FBLN1: variants seen among roughly 807,000 people sequenced by gnomAD.
FBLN1 encodes fibulin-1.
Under a neutral mutation model 89.7 loss-of-function variants are expected in FBLN1, and 34 were observed. The ratio of observed to expected loss-of-function variants is 0.38; its 90% confidence interval spans 0.29 to 0.50. FBLN1 has a LOEUF of 0.50. Ranked by LOEUF, FBLN1 falls within the 20% of genes least tolerant of loss-of-function variation. FBLN1 has a pLI of 0.92. For synonymous variants in FBLN1, 393 were observed against 391.3 expected (o/e 1.00, Z -0.05); for missense variants, 777 against 988.1 (o/e 0.79, Z 2.86).
chr22:45,577,155 C>G lies in FBLN1; in HGVS notation c.1972+47C>G. 1 of 1,607,606 alleles carries G rather than the reference C, an allele frequency of 6.2e-7. No individual in the cohort carries two copies. Among genetic ancestry groups the G allele is most frequent in the Non-Finnish European group, 8.5e-7 (1 of 1,176,204 alleles). On this transcript the variant is annotated intron_variant, in intron 16 of 16. Coordinates refer to ENST00000327858, the MANE Select transcript of FBLN1 (RefSeq NM_006486.3). This position sits in a 1 kb window ranked among gnomAD's most constrained non-coding sequence, Gnocchi z 6.6. ...CTCTATCCAGGCACCCCTCCCCCTC[C>G]ACCCCGAAACCCTCTCTGGCCCAGC... is the stretch of plus-strand genomic sequence containing the variant.
rs567053479 is a variant in FBLN1, at chr22:45,509,938, G to A, written c.79+6874G>A. On this transcript the variant is annotated intron_variant, in intron 1 of 16. Coordinates refer to ENST00000327858, the MANE Select transcript of FBLN1 (RefSeq NM_006486.3). ...TGTGGTGAGTCCGGGAGGCACACAG[G>A]ATGAAGCCTCAAGCTCCCATTCACT... Among the ~76,000 whole-genome samples, 194 of 152,268 alleles carry A rather than the reference G, an allele frequency of 1.3e-3. 1 individual carries two copies. The highest frequency in any genetic ancestry group is 4.4e-3 in the African/African-American group (183 of 41,554).
intron 14 of FBLN1, among the ~76,000 whole-genome samples, chr22:45,568,303 G>C (rs2088915191): frequency 6.6e-6 from 1 of 152,204 alleles, no homozygotes; most frequent in Non-Finnish European, 1.5e-5. Context: ...TAAAATAATA[G>C]AAATGTATTA....
intron 3 of FBLN1, among the ~76,000 whole-genome samples, chr22:45,526,144 G>A (rs1002555388): frequency 4.6e-5 from 7 of 152,126 alleles, no homozygotes; most frequent in African/African-American, 7.2e-5. Flanking sequence ...CCTCTATAAC[G>A]ACCCTAAAAG....
In FBLN1 at chr22:45,533,936, C is replaced by T. The variant is rs114075618; in HGVS notation, c.784+38C>T. On this transcript the variant is annotated intron_variant, in intron 7 of 16. Transcript: ENST00000327858. ...CTCCGAGTCTGCAAACCTGGTCTTC[C>T]AGGCGTAGATACGGCGCGGTGGGAA... is the stretch of plus-strand genomic sequence containing the variant. 254 of 1,612,658 alleles carry T rather than the reference C, an allele frequency of 1.6e-4. No individual in the cohort carries two copies. The African/African-American group carries it at 2.3e-3, about 15-fold the overall frequency.
Position 45,563,202 on chromosome 22 carries a change from C to T in FBLN1, c.1698-11309C>T, listed in dbSNP as rs2088870315. On this transcript the variant is annotated intron_variant, in intron 14 of 16. Coordinates refer to ENST00000327858, the MANE Select transcript of FBLN1 (RefSeq NM_006486.3). The surrounding 1 kb of genome is among the most constrained non-coding windows in gnomAD (Gnocchi z 5.7). ...CTCCTGACCGTCAAGATGGATCTCTCTCGCCACGGCACCGTCAGCTCCTTT... is the reference window on the plus strand; with the variant it reads ...CTCCTGACCGTCAAGATGGATCTCTTTCGCCACGGCACCGTCAGCTCCTTT... 1 of 1,613,686 alleles carries T rather than the reference C, an allele frequency of 6.2e-7. No homozygotes were observed. Among genetic ancestry groups the T allele is most frequent in the Non-Finnish European group, 8.5e-7 (1 of 1,180,042 alleles).
rs1020234797 is a variant in FBLN1, at chr22:45,590,638, C to A, written c.1973-9669C>A. Among the ~76,000 whole-genome samples the A allele has an allele frequency of 6.6e-6, 1 of 152,038 alleles. No individual in the cohort carries two copies. Among genetic ancestry groups the A allele is most frequent in the Non-Finnish European group, 1.5e-5 (1 of 68,006 alleles). On this transcript the variant is annotated intron_variant, in intron 16 of 16. Coordinates refer to ENST00000327858, the MANE Select transcript of FBLN1 (RefSeq NM_006486.3). This position sits in a 1 kb window ranked among gnomAD's most constrained non-coding sequence, Gnocchi z 4.1. ...ACGTGTTCAGGTAGATGCGACGAGG[C>A]CGGAACTGAGGCCAGGTGGGGTTGT...
chr22:45,547,617 C>G (rs2088649082), intron 12 of FBLN1, among the ~76,000 whole-genome samples: 1 of 151,910 alleles, frequency 6.6e-6, no homozygotes, highest in Non-Finnish European at 1.5e-5. Flanking sequence ...CCAGGCTGGT[C>G]TCGAACTCCG....
intron 1 of FBLN1, chr22:45,503,382 C>G (rs2087974467): frequency 5.2e-6 from 1 of 191,946 alleles, no homozygotes; most frequent in Admixed American, 6.1e-5. Context: ...GGGGCGCTAG[C>G]TGGGCTGGGG....
intron 4 of FBLN1, among the ~76,000 whole-genome samples, chr22:45,529,481 A>G (rs1476685849): frequency 6.6e-6 from 1 of 152,208 alleles, no homozygotes; most frequent in African/African-American, 2.4e-5. Flanking sequence ...AACCTGGAAG[A>G]AGGCAGGACT....
Position 45,577,368 on chromosome 22 carries a change from G to C in FBLN1, c.1972+260G>C, listed in dbSNP as rs534752250. 1.3e-5 allele frequency among the ~76,000 whole-genome samples: 2 copies of C among 152,302 alleles called. No individual in the cohort carries two copies. The highest frequency in any genetic ancestry group is 4.8e-5 in the African/African-American group (2 of 41,556). ...GACCCCTCTGGGTCTCGGTCTCCCT[G>C]CCTATAACATGGGTGGGTTCCAGAG... On this transcript the variant is annotated intron_variant, in intron 16 of 16. Coordinates refer to ENST00000327858, the MANE Select transcript of FBLN1 (RefSeq NM_006486.3). This position sits in a 1 kb window ranked among gnomAD's most constrained non-coding sequence, Gnocchi z 6.6.
chr22:45,581,600 T>A lies in FBLN1; in HGVS notation c.1972+4492T>A, dbSNP rs974879405. Among the ~76,000 whole-genome samples, 4 of 152,228 alleles carry A rather than the reference T, an allele frequency of 2.6e-5. No homozygotes were observed. Among genetic ancestry groups the A allele is most frequent in the African/African-American group, 9.6e-5 (4 of 41,546 alleles). On this transcript the variant is annotated intron_variant, in intron 16 of 16. Transcript: ENST00000327858. This position sits in a 1 kb window ranked among gnomAD's most constrained non-coding sequence, Gnocchi z 7.6. Reference sequence around the variant, plus strand: ...TACGGACGAATTTTGCATGTGGACCTCCTGACCCTTGGGCCTCCCGGGTTG... The same window carrying A: ...TACGGACGAATTTTGCATGTGGACCACCTGACCCTTGGGCCTCCCGGGTTG...
At chr22:45,594,732 A>ATGGATGGATAGATG (rs1569269732) in intron 16 of FBLN1, among the ~76,000 whole-genome samples, 1 of 108,470 alleles carries the variant, frequency 9.2e-6, no homozygotes, top group South Asian at 3.1e-4. Flanking sequence ...ATGGATGGAT[A>ATGGATGGATAGATG]GATGGATGGG....
rs748749795 is a variant in FBLN1 at position 45,547,159 on chromosome 22, C to T, written c.1396C>T (p.Arg466Trp). 3.1e-5 allele frequency: 50 copies of T among 1,614,010 alleles called. No homozygotes were observed. Among genetic ancestry groups the T allele is most frequent in the African/African-American group, 2.7e-4 (20 of 74,910 alleles). ...CTACGGCTCCTACCAGTGTTACTGC[C>T]GGCGAGGCTACCAGCTCAGCGATGT... is the stretch of plus-strand genomic sequence containing the variant. ...NVYGSYQCYC[R>W]RGYQLSDVDG... Residue 466 changes from arginine (R) to tryptophan (W), a missense_variant, in exon 12 of 17, where the codon CGG becomes TGG. Transcript: ENST00000327858.
chr22:45,542,429 G>A, intron 10 of FBLN1, 146 bp downstream of exon 10: 1 of 1,193,096 alleles, frequency 8.4e-7, no homozygotes, highest in Non-Finnish European at 1.2e-6. Context: ...TCCTGAGTCA[G>A]GAGACCCCAT....
At chr22:45,596,645 A>G (rs114808665) in intron 16 of FBLN1, among the ~76,000 whole-genome samples, 3,705 of 148,166 alleles carry the variant, frequency 0.025, 138 homozygotes, top group African/African-American at 0.085. Flanking sequence ...TTATATACAT[A>G]TATCAACATA....
chr22:45,591,731 T>G (rs1462682278), intron 16 of FBLN1, among the ~76,000 whole-genome samples: 1 of 152,078 alleles, frequency 6.6e-6, no homozygotes, highest in African/African-American at 2.4e-5. Context: ...CTTTCTGCTG[T>G]TTTTGCCGTG....
In FBLN1 at chr22:45,563,012, C is replaced by T. The variant is rs2088866879; in HGVS notation, c.1698-11499C>T. 6.2e-7 allele frequency: 1 copy of T among 1,613,614 alleles called. No homozygotes were observed. On this transcript the variant is annotated intron_variant, in intron 14 of 16. Coordinates refer to ENST00000327858, the MANE Select transcript of FBLN1 (RefSeq NM_006486.3). This position sits in a 1 kb window ranked among gnomAD's most constrained non-coding sequence, Gnocchi z 5.7. ...CTCTTTCCCCACCAACATCCAAGCG[C>T]CCGCGGTGGTTTTCCGCATGGGCCC... is the stretch of plus-strand genomic sequence containing the variant.
At chr22:45,518,418 A>G (rs1462008573) in intron 1 of FBLN1, among the ~76,000 whole-genome samples, 1 of 152,158 alleles carries the variant, frequency 6.6e-6, no homozygotes, top group Non-Finnish European at 1.5e-5. Context: ...CTTGGATCTC[A>G]GGGGCTGAGC....
At chr22:45,509,986 A>T (rs559241729) in intron 1 of FBLN1, among the ~76,000 whole-genome samples, 1 of 152,282 alleles carries the variant, frequency 6.6e-6, no homozygotes, top group Non-Finnish European at 1.5e-5. Context: ...TGACGCCCTC[A>T]GCTGCCTCTG....
Sources: allele counts gnomAD v4.1 joint callset (sites outside exome capture counted in the v4.1 genomes callset), GRCh38; gene constraint gnomAD v4.1.1; non-coding constraint Gnocchi (gnomAD v3.1); transcripts MANE v1.5; gene names NCBI Gene and HGNC (gene_info 2026-07-23, HGNC 2026-07-21).